PHACTR1: variants seen among roughly 807,000 people sequenced by gnomAD.
PHACTR1 encodes the protein phosphatase and actin regulator 1, also known as RPEL repeat containing 1.
PHACTR1 carries 16 observed loss-of-function variants against 69.2 expected under a neutral mutation model. That is an observed-to-expected ratio of 0.23 (90% CI 0.16 to 0.35). The LOEUF (loss-of-function observed/expected upper bound fraction) is 0.35, where lower values mean the gene tolerates loss of function less well. PHACTR1 is among the 10% of genes least tolerant of loss of function. The pLI, the probability that PHACTR1 is intolerant of heterozygous loss-of-function variation, is 1.00. For synonymous variants in PHACTR1, 312 were observed against 284.5 expected, an observed-to-expected ratio of 1.10 and a Z score of -0.97; for missense variants, 510 against 734.7, an observed-to-expected ratio of 0.69 and a Z score of 3.54.
intron 4 of PHACTR1, among the ~76,000 whole-genome samples, 185 bp downstream of exon 4, chr6:12,749,975 G>T: frequency 6.6e-6 from 1 of 152,162 alleles, no homozygotes; most frequent in Non-Finnish European, 1.5e-5. Flanking sequence ...GGGGAGGGCG[G>T]CGCGTGCAGC....
At chr6:13,085,867 G>A (rs1812189312) in intron 5 of PHACTR1, among the ~76,000 whole-genome samples, 1 of 151,834 alleles carries the variant, frequency 6.6e-6, no homozygotes, top group Non-Finnish European at 1.5e-5. Context: ...AAACACATGT[G>A]AGATATAGCA....
In PHACTR1 at chr6:12,717,556, A is replaced by AACG. The variant is rs1761551466; in HGVS notation, c.-233_-231dup. 1 of 152,256 alleles carries AACG rather than the reference A, an allele frequency of 6.6e-6. No individual in the cohort carries two copies. Among genetic ancestry groups the AACG allele is most frequent in the South Asian group, 2.1e-4 (1 of 4,820 alleles). 9.4% of individuals were successfully genotyped at this position (152,256 alleles called of 1,614,324 possible). ...TGGCGTCACCTTCCGTTGCTAAGGT[A>AACG]ACGTGCTCTGGCCATTTTATCTGAT... On this transcript the variant is annotated 5_prime_UTR_variant, in exon 2 of 15. Transcript: ENST00000332995.
chr6:12,927,808 T>C (rs1421690423), intron 4 of PHACTR1, among the ~76,000 whole-genome samples: 1 of 152,162 alleles, frequency 6.6e-6, no homozygotes, highest in Non-Finnish European at 1.5e-5. Context: ...TGTCCACCTA[T>C]AAAAAGATAG....
rs1161324144 is a variant in PHACTR1 at position 12,955,192 on chromosome 6, C to CTTTTTTTTTTTTTTTTTTTTTT, written c.251-98153_251-98152insTTTTTTTTTTTTTTTTTTTTTT. On this transcript the variant is annotated intron_variant, in intron 4 of 14. Transcript: ENST00000332995. ...ATCTATGGCTCACATTGTATTTCCT[C>CTTTTTTTTTTTTTTTTTTTTTT]TTTTTTTTTTTTTTTTTTTTGAGAG... is the stretch of plus-strand genomic sequence containing the variant. 6.8e-4 allele frequency among the ~76,000 whole-genome samples: 70 copies of CTTTTTTTTTTTTTTTTTTTTTT among 103,288 alleles called. 10 individuals are homozygous for CTTTTTTTTTTTTTTTTTTTTTT. Among genetic ancestry groups the CTTTTTTTTTTTTTTTTTTTTTT allele is most frequent in the African/African-American group, 3.3e-3 (65 of 19,524 alleles). 67.8% of individuals were successfully genotyped at this position (103,288 alleles called of 152,430 possible).
At chr6:12,963,933 T>G (rs969437959) in intron 4 of PHACTR1, among the ~76,000 whole-genome samples, 2 of 152,180 alleles carry the variant, frequency 1.3e-5, no homozygotes, top group Non-Finnish European at 2.9e-5. Context: ...GCTGAAAATG[T>G]TTAGGACAAA....
Position 13,230,209 on chromosome 6 carries a change from C to A in PHACTR1, c.1391+16C>A. The A allele has an allele frequency of 6.3e-7, 1 of 1,599,434 alleles. No individual in the cohort carries two copies. The highest frequency in any genetic ancestry group is 1.1e-5 in the South Asian group (1 of 88,174). On this transcript the variant is annotated intron_variant, in intron 10 of 14. Coordinates refer to ENST00000332995, the MANE Select transcript of PHACTR1 (RefSeq NM_030948.6). ...AGCTCACCAGGTAGGACAGCGGCAC[C>A]CTCTGCCTCCCTGGCAGTGGGCCTT...
chr6:12,942,727 A>G (rs1347949130), intron 4 of PHACTR1, among the ~76,000 whole-genome samples: 2 of 152,168 alleles, frequency 1.3e-5, no homozygotes, highest in Admixed American at 6.5e-5. Context: ...ATACAGTCCA[A>G]CTCCAATGCC....
At chr6:12,726,963 T>A (rs1762871308) in intron 3 of PHACTR1, among the ~76,000 whole-genome samples, 1 of 152,250 alleles carries the variant, frequency 6.6e-6, no homozygotes, top group African/African-American at 2.4e-5. Flanking sequence ...TGAGAATTTA[T>A]TTTTTATTGT....
At chr6:13,080,569 A>G (rs1280344840) in intron 5 of PHACTR1, among the ~76,000 whole-genome samples, 1 of 152,206 alleles carries the variant, frequency 6.6e-6, no homozygotes, top group Non-Finnish European at 1.5e-5. Flanking sequence ...TCAAATAACC[A>G]GTGAACAAAA....
intron 7 of PHACTR1, chr6:13,184,857 A>G: frequency 7.3e-7 from 1 of 1,366,576 alleles, no homozygotes; most frequent in Non-Finnish European, 9.8e-7. Context: ...AAGATCCTTC[A>G]GCCAAACCAG....
chr6:12,734,368 A>G (rs549924324), intron 3 of PHACTR1, among the ~76,000 whole-genome samples: 7 of 152,242 alleles, frequency 4.6e-5, no homozygotes, highest in African/African-American at 1.7e-4. Context: ...AACATAATAA[A>G]TGTTTATCAG....
chr6:13,188,161 A>C (rs1763056933), intron 7 of PHACTR1, among the ~76,000 whole-genome samples: 1 of 152,234 alleles, frequency 6.6e-6, no homozygotes, highest in Non-Finnish European at 1.5e-5. Flanking sequence ...TAATATCCTT[A>C]CTATGTAGTA....
intron 4 of PHACTR1, among the ~76,000 whole-genome samples, chr6:12,914,752 T>C (rs1786785230): frequency 6.6e-6 from 1 of 152,132 alleles, no homozygotes; most frequent in Non-Finnish European, 1.5e-5. Flanking sequence ...ATCATTAAAC[T>C]ATGACAGTGG....
chr6:13,260,523 C>G (rs1454090465), intron 10 of PHACTR1, among the ~76,000 whole-genome samples: 1 of 152,306 alleles, frequency 6.6e-6, no homozygotes, highest in African/African-American at 2.4e-5. Context: ...CTTCTTAGCA[C>G]TAAAATACTA....
chr6:13,105,612 C>T (rs887203311), intron 5 of PHACTR1, among the ~76,000 whole-genome samples: 6 of 152,064 alleles, frequency 3.9e-5, no homozygotes, highest in South Asian at 2.1e-4. Flanking sequence ...CTGAACATGC[C>T]GGCCACAAGT....
At chr6:12,948,599 G>A (rs924792204) in intron 4 of PHACTR1, among the ~76,000 whole-genome samples, 16 of 152,054 alleles carry the variant, frequency 1.1e-4, no homozygotes, top group Non-Finnish European at 1.8e-4. Context: ...TTGTGAACTC[G>A]TCAAAGGTCA....
chr6:12,808,876 G>C (rs901054025), intron 4 of PHACTR1, among the ~76,000 whole-genome samples: 1 of 141,600 alleles, frequency 7.1e-6, no homozygotes, highest in Non-Finnish European at 1.5e-5. Context: ...TTCTTTCTTT[G>C]GGGGCGGTGG....
intron 3 of PHACTR1, among the ~76,000 whole-genome samples, chr6:12,744,413 A>G (rs1765503544): frequency 6.6e-6 from 1 of 152,166 alleles, no homozygotes; most frequent in Non-Finnish European, 1.5e-5. Context: ...ATGTGCTCCA[A>G]ATTTTGTTCA....
chr6:12,822,108 G>T (rs1776291028), intron 4 of PHACTR1, among the ~76,000 whole-genome samples: 1 of 152,210 alleles, frequency 6.6e-6, no homozygotes, highest in African/African-American at 2.4e-5. Flanking sequence ...CTGGGCTGCT[G>T]GAGGACACAG....
Sources: gnomAD v4.1 joint callset for allele counts (sites outside exome capture counted in the v4.1 genomes callset) on GRCh38, gnomAD v4.1.1 for gene constraint, MANE v1.5 for transcripts, NCBI Gene and HGNC (gene_info 2026-07-23, HGNC 2026-07-21) for gene names.